Variants in RNF212B observed in about 807,000 individuals in gnomAD.
RNF212B encodes the protein ring finger protein 212B, also known as E3 ubiquitin-protein ligase RNF212B.
In RNF212B, 52 loss-of-function variants were observed where a neutral mutation model predicts 55.5. The observed-to-expected ratio is 0.94, with a 90% confidence interval of 0.75 to 1.18. The LOEUF (loss-of-function observed/expected upper bound fraction) is 1.18, where lower values mean the gene tolerates loss of function less well. RNF212B is among the 50% of genes most tolerant of loss of function. The pLI is 0.00. For missense variants in RNF212B, 289 were observed against 350.4 expected, an observed-to-expected ratio of 0.82 and a Z score of 1.40; for synonymous variants, 99 against 121.4, an observed-to-expected ratio of 0.82 and a Z score of 1.21.
At chr14:23,243,111 T>G in intron 2 of RNF212B, 145 bp from the exon 3 acceptor site, 1 of 595,358 alleles carries the variant, frequency 1.7e-6, no homozygotes, top group South Asian at 2.3e-5. Flanking sequence ...GATGTCCTTT[T>G]ATAACACAAT....
chr14:23,198,076 C>G (rs1299352195), intron 2 of RNF212B, among the ~76,000 whole-genome samples: 2 of 152,178 alleles, frequency 1.3e-5, no homozygotes, highest in African/African-American at 2.4e-5. Context: ...TTTTGTGGAT[C>G]TTCAGTTACT....
chr14:23,253,680 C>A (rs778364553), intron 4 of RNF212B, among the ~76,000 whole-genome samples: 9 of 152,100 alleles, frequency 5.9e-5, no homozygotes, highest in Non-Finnish European at 1.5e-5. Context: ...AATTCCAATT[C>A]TGTCATCCTT....
At chr14:23,265,959 A>G (rs1885660926) in intron 11 of RNF212B, among the ~76,000 whole-genome samples, 1 of 151,956 alleles carries the variant, frequency 6.6e-6, no homozygotes, top group South Asian at 2.1e-4. Context: ...GTTTACATTC[A>G]TTCCAAAGGT....
chr14:23,256,088 A>G (rs1227371711), intron 4 of RNF212B, among the ~76,000 whole-genome samples: 1 of 152,024 alleles, frequency 6.6e-6, no homozygotes, highest in Non-Finnish European at 1.5e-5. Flanking sequence ...GGAGTTCCAC[A>G]GTGGGGTCTG....
chr14:23,223,940 C>T (rs895343474), intron 2 of RNF212B, among the ~76,000 whole-genome samples: 1 of 151,938 alleles, frequency 6.6e-6, no homozygotes, highest in Admixed American at 6.6e-5. Context: ...TTTTTATATG[C>T]CAACAGTGAA....
At chr14:23,253,149 CT>C (rs1884537941) in intron 4 of RNF212B, among the ~76,000 whole-genome samples, 1 of 152,074 alleles carries the variant, frequency 6.6e-6, no homozygotes, top group African/African-American at 2.4e-5. Context: ...CAGTGTGTAT[CT>C]CTAAAAGATA....
intron 2 of RNF212B, among the ~76,000 whole-genome samples, chr14:23,215,031 C>G (rs138179941): frequency 7.5e-4 from 114 of 152,338 alleles, no homozygotes; most frequent in African/African-American, 2.6e-3. Context: ...CCACACAAAT[C>G]TCATCTTGAA....
intron 4 of RNF212B, among the ~76,000 whole-genome samples, chr14:23,248,010 A>C (rs1884110259): frequency 6.6e-6 from 1 of 152,110 alleles, no homozygotes; most frequent in South Asian, 2.1e-4. Context: ...AGGCACTAAC[A>C]GATTCAGTGT....
At chr14:23,200,331 A>G (rs1400859583) in intron 2 of RNF212B, among the ~76,000 whole-genome samples, 1 of 150,720 alleles carries the variant, frequency 6.6e-6, no homozygotes, top group African/African-American at 2.4e-5. Flanking sequence ...CTCTCCCCCA[A>G]CTTTTTTTTT....
In RNF212B at chr14:23,243,269, T is replaced by G; in HGVS notation, c.114T>G (p.Val38=). 6.4e-7 allele frequency: 1 copy of G among 1,550,402 alleles called. No homozygotes were observed. Among genetic ancestry groups the G allele is most frequent in the Non-Finnish European group, 8.7e-7 (1 of 1,146,996 alleles). Residue 38 remains valine (V), a synonymous_variant, in exon 3 of 15, where the codon GTT becomes GTG. Transcript: ENST00000430154. ...TTTTCCTCCCAGAAAAATGTGCTGT[T>G]TGTGGAACTGCCTGCAAGCATCTGG... ...KKCVTLEKCA[V]CGTACKHLAL... is the part of the protein sequence containing the mutation.
chr14:23,213,773 A>T (rs1880800623), intron 2 of RNF212B, among the ~76,000 whole-genome samples: 2 of 152,172 alleles, frequency 1.3e-5, no homozygotes, highest in Non-Finnish European at 2.9e-5. Context: ...AGAGAAAGAG[A>T]GGCAGAGAGA....
rs1390499346 is a variant in RNF212B, at chr14:23,201,418, T to G, written c.-2+8017T>G. On this transcript the variant is annotated intron_variant, in intron 2 of 15. Coordinates refer to the RNF212B transcript ENST00000399910. ...AGTAATTTTAACTTAACATAACAATTATTGTTATTGATAATGTACACTAAG... is the reference window on the plus strand; with the variant it reads ...AGTAATTTTAACTTAACATAACAATGATTGTTATTGATAATGTACACTAAG... Among the ~76,000 whole-genome samples, 6 of 152,194 alleles carry G rather than the reference T, an allele frequency of 3.9e-5. No individual in the cohort carries two copies. In the South Asian group the frequency reaches 6.2e-4, roughly 16 times the overall value.
At chr14:23,208,741 A>AG (rs1190557802) in intron 2 of RNF212B, among the ~76,000 whole-genome samples, 1 of 146,760 alleles carries the variant, frequency 6.8e-6, no homozygotes, top group African/African-American at 2.5e-5. Flanking sequence ...AGCAGTCCCA[A>AG]GGGCTGCTGG....
At chr14:23,240,626 A>G (rs1465380529) in intron 2 of RNF212B, among the ~76,000 whole-genome samples, 181 bp downstream of exon 2, 1 of 152,228 alleles carries the variant, frequency 6.6e-6, no homozygotes, top group Middle Eastern at 3.2e-3. Flanking sequence ...GAATGGTCCT[A>G]AATTATTTAG....
At chr14:23,193,091 TAAAAAAAAA>T (rs3045528) in intron 1 of RNF212B, among the ~76,000 whole-genome samples, 76,869 of 113,296 alleles carry the variant, frequency 0.68, 23,816 homozygotes, top group Admixed American at 0.74. Context: ...AAACTCTGTC[TAAAAAAAAA>T]AAAAAAAAAA....
chr14:23,235,304 T>C (rs140982142), upstream of RNF212B, among the ~76,000 whole-genome samples: 191 of 152,238 alleles, frequency 1.3e-3, no homozygotes, highest in African/African-American at 4.2e-3. Flanking sequence ...AAGCTATGAT[T>C]GTGCCACTAA....
At chr14:23,207,391 A>G in intron 2 of RNF212B, among the ~76,000 whole-genome samples, 1 of 152,224 alleles carries the variant, frequency 6.6e-6, no homozygotes, top group African/African-American at 2.4e-5. Context: ...AATTCCATAA[A>G]GGAGTTACCT....
intron 2 of RNF212B, among the ~76,000 whole-genome samples, chr14:23,207,158 C>T (rs1436985567): frequency 7.2e-5 from 11 of 152,158 alleles, no homozygotes; most frequent in Non-Finnish European, 2.9e-5. Context: ...TTAAGCGAAA[C>T]TAACAATGAT....
intron 5 of RNF212B, among the ~76,000 whole-genome samples, chr14:23,259,211 AC>A (rs914511880): frequency 8.1e-5 from 12 of 147,946 alleles, no homozygotes; most frequent in African/African-American, 2.7e-4. Flanking sequence ...ACAAAAAAAA[AC>A]ATCTGCTTCC....
Sources: allele counts gnomAD v4.1 joint callset (sites outside exome capture counted in the v4.1 genomes callset), GRCh38; gene constraint gnomAD v4.1.1; transcripts MANE v1.5; gene names NCBI Gene and HGNC (gene_info 2026-07-23, HGNC 2026-07-21).